Variants in POC5 observed in about 807,000 individuals in gnomAD.
The protein encoded by POC5 is POC5 centriolar protein.
POC5 carries 48 observed loss-of-function variants against 62.9 expected under a neutral mutation model. That is an observed-to-expected ratio of 0.76 (90% CI 0.61 to 0.97). The LOEUF is 0.97. POC5 is among the 50% of genes least tolerant of loss of function. The pLI, the probability that POC5 is intolerant of heterozygous loss-of-function variation, is 0.00. For synonymous variants in POC5, 236 were observed against 228.2 expected, an observed-to-expected ratio of 1.03 and a Z score of -0.31; for missense variants, 696 against 679.5, an observed-to-expected ratio of 1.02 and a Z score of -0.27.
At chr5:75,712,997 G>A (rs1777412417) in intron 1 of POC5, 46 bp from the exon 2 acceptor site, 1 of 1,349,882 alleles carries the variant, frequency 7.4e-7, no homozygotes, top group African/African-American at 1.5e-5. Flanking sequence ...TGATATTTAA[G>A]ATAAAATCCT....
At chr5:75,676,923 G>A (rs1261015947) in intron 11 of POC5, among the ~76,000 whole-genome samples, 1 of 151,922 alleles carries the variant, frequency 6.6e-6, no homozygotes, top group East Asian at 1.9e-4. Flanking sequence ...TACTTTTTGA[G>A]ATAATTGTTG....
chr5:75,689,591 G>A lies in POC5; in HGVS notation c.976-426C>T, dbSNP rs113846656. 4.7e-3 allele frequency: 4,658 copies of A among 983,870 alleles called. 33 individuals are homozygous for A. The highest frequency in any genetic ancestry group is 0.025 in the East Asian group (217 of 8,804). 60.9% of individuals were successfully genotyped at this position (983,870 alleles called of 1,614,324 possible). ...TTTTATAATGTAAATGTTACCTTCA[G>A]TATTTGAAGTGCAGAGTGACCCTAG... On this transcript the variant is annotated intron_variant, in intron 8 of 11. Coordinates refer to ENST00000428202, the MANE Select transcript of POC5 (RefSeq NM_001099271.2).
intron 11 of POC5, among the ~76,000 whole-genome samples, 186 bp from the exon 12 acceptor site, chr5:75,674,764 TCTGA>T (rs1446371583): frequency 6.6e-6 from 1 of 152,196 alleles, no homozygotes; most frequent in East Asian, 1.9e-4. Context: ...CCCTACCCAG[TCTGA>T]CTGACATGTT....
chr5:75,682,234 T>G (rs953902030), intron 10 of POC5, among the ~76,000 whole-genome samples: 1 of 152,166 alleles, frequency 6.6e-6, no homozygotes, highest in Admixed American at 6.5e-5. Context: ...ATAAAAAGGG[T>G]GCTAAGCAAA....
intron 5 of POC5, among the ~76,000 whole-genome samples, chr5:75,695,837 G>A (rs1174011868): frequency 3.9e-5 from 6 of 152,136 alleles, no homozygotes; most frequent in African/African-American, 7.2e-5. Context: ...GACAGTGGGC[G>A]CAGGACAGTG....
At chr5:75,675,942 G>T (rs1364623006) in intron 11 of POC5, among the ~76,000 whole-genome samples, 2 of 152,136 alleles carry the variant, frequency 1.3e-5, no homozygotes, top group African/African-American at 4.8e-5. Context: ...GATTCCCAGG[G>T]TGAAAAGAAA....
chr5:75,676,342 T>C (rs1294687793), intron 11 of POC5, among the ~76,000 whole-genome samples: 1 of 152,228 alleles, frequency 6.6e-6, no homozygotes, highest in Non-Finnish European at 1.5e-5. Context: ...AAAAGTCTTC[T>C]ACGAACTTTC....
intron 2 of POC5, among the ~76,000 whole-genome samples, chr5:75,712,038 G>T (rs931564607): frequency 2.6e-5 from 4 of 152,136 alleles, no homozygotes; most frequent in Non-Finnish European, 4.4e-5. Context: ...CACAACTCCA[G>T]ACTAGTTTTA....
chr5:75,674,170 C>A lies in POC5; in HGVS notation c.*265G>T. 1 of 248,030 alleles carries A rather than the reference C, an allele frequency of 4.0e-6. No individual in the cohort carries two copies. Among genetic ancestry groups the A allele is most frequent in the Non-Finnish European group, 7.7e-6 (1 of 130,096 alleles). The allele number at this position is 248,030 out of a possible 1,614,324, so 15.4% of individuals were successfully genotyped here. On this transcript the variant is annotated 3_prime_UTR_variant, in exon 12 of 12. Transcript: ENST00000428202. ...TTTTGATGCTGTAATCAGCAACAGG[C>A]TAAACATATTAAAGAAATAAAGTCC...
At chr5:75,681,657 T>TATTA (rs1389749869) in intron 10 of POC5, among the ~76,000 whole-genome samples, 14 of 151,004 alleles carry the variant, frequency 9.3e-5, no homozygotes, top group African/African-American at 3.4e-4. Flanking sequence ...TAAAATAAGA[T>TATTA]ATTATTTTAT....
intron 4 of POC5, 64 bp from the exon 5 acceptor site, chr5:75,702,874 C>G: frequency 7.6e-7 from 1 of 1,317,214 alleles, no homozygotes; most frequent in Non-Finnish European, 1.1e-6. Flanking sequence ...GGTAAGGAAC[C>G]ATACTGGAAG....
At chr5:75,703,996 A>C (rs1777013862) in intron 4 of POC5, among the ~76,000 whole-genome samples, 1 of 151,998 alleles carries the variant, frequency 6.6e-6, no homozygotes, top group Non-Finnish European at 1.5e-5. Context: ...TCTACTAAAA[A>C]TACAAAAAAT....
At chr5:75,693,023 T>TAA (rs968708778) in intron 6 of POC5, among the ~76,000 whole-genome samples, 6 of 148,326 alleles carry the variant, frequency 4.0e-5, no homozygotes, top group Non-Finnish European at 4.5e-5. Flanking sequence ...GTTATATATA[T>TAA]AACTATATAT....
chr5:75,696,706 T>C (rs528260830), intron 5 of POC5, among the ~76,000 whole-genome samples: 3 of 152,226 alleles, frequency 2.0e-5, no homozygotes, highest in Admixed American at 6.5e-5. Flanking sequence ...CAAAGCTGGA[T>C]GGAGAATGAC....
intron 4 of POC5, among the ~76,000 whole-genome samples, chr5:75,703,314 CA>C (rs1160199148): frequency 6.6e-6 from 1 of 152,148 alleles, no homozygotes; most frequent in South Asian, 2.1e-4. Context: ...GTAAGTTTAA[CA>C]CTGGGATTGG....
intron 5 of POC5, among the ~76,000 whole-genome samples, chr5:75,700,272 G>A (rs1468117296): frequency 1.3e-5 from 2 of 151,620 alleles, no homozygotes; most frequent in East Asian, 3.9e-4. Flanking sequence ...TCAATCCTGA[G>A]CCAAAAGAAC....
chr5:75,704,231 G>A (rs971991561), intron 4 of POC5, among the ~76,000 whole-genome samples: 3 of 151,364 alleles, frequency 2.0e-5, no homozygotes, highest in Non-Finnish European at 4.4e-5. Flanking sequence ...GAGACTATCT[G>A]TCATCACTTG....
intron 10 of POC5, among the ~76,000 whole-genome samples, chr5:75,684,614 C>T (rs530684901): frequency 3.0e-4 from 45 of 152,256 alleles, no homozygotes; most frequent in African/African-American, 1.1e-3. Flanking sequence ...CCGCCCACCT[C>T]GGCCTCCCAG....
chr5:75,712,622 T>C lies in POC5; in HGVS notation c.84+232A>G, dbSNP rs775846229. On this transcript the variant is annotated intron_variant, in intron 2 of 11. Coordinates refer to ENST00000428202, the MANE Select transcript of POC5 (RefSeq NM_001099271.2). ...TTTGTTTCACCTCTTACTGTGTTGG[T>C]TGAAGCCTTTGTACAGAGTGTATGA... 5.1e-5 allele frequency: 39 copies of C among 762,072 alleles called. No individual in the cohort carries two copies. The East Asian group carries it at 1.0e-3, about 20-fold the overall frequency. 47.2% of individuals were successfully genotyped at this position (762,072 alleles called of 1,614,324 possible).
Sources: allele counts gnomAD v4.1 joint callset (sites outside exome capture counted in the v4.1 genomes callset), GRCh38; gene constraint gnomAD v4.1.1; transcripts MANE v1.5; gene names NCBI Gene and HGNC (gene_info 2026-07-23, HGNC 2026-07-21).